The following CDH13 variants were observed in gnomAD, a reference collection of about 807,000 sequenced individuals.
CDH13 encodes cadherin 13.
A neutral mutation model predicts 63.8 loss-of-function variants in CDH13; 24 were observed. The ratio of observed to expected loss-of-function variants is 0.38; its 90% CI spans 0.27 to 0.53. The LOEUF (loss-of-function observed/expected upper bound fraction) is 0.53, where lower values mean the gene tolerates loss of function less well. Among genes scored for constraint, CDH13 ranks in the 20% least tolerant of loss-of-function variants. The probability of loss-of-function intolerance (pLI) is 0.85; values close to 1 mark genes in which losing one functional copy is unlikely to be tolerated. For missense variants in CDH13, 1,049 were observed against 903.1 expected, an observed-to-expected ratio of 1.16 and a Z score of -2.07; for synonymous variants, 503 against 355.3, an observed-to-expected ratio of 1.42 and a Z score of -4.67.
chr16:83,706,002 G>GTT (rs1381105176), intron 10 of CDH13, among the ~76,000 whole-genome samples: 5 of 152,236 alleles, frequency 3.3e-5, no homozygotes, highest in Admixed American at 2.6e-4. Flanking sequence ...AAACAACATC[G>GTT]TTTTCGTGTC....
chr16:83,393,297 G>A (rs145256712), intron 6 of CDH13, among the ~76,000 whole-genome samples: 1 of 152,112 alleles, frequency 6.6e-6, no homozygotes, highest in Non-Finnish European at 1.5e-5. Context: ...TGGGAATATT[G>A]TTCTTGCCTC....
Position 83,047,291 on chromosome 16 carries a change from T to C in CDH13, c.366+15073T>C, listed in dbSNP as rs1465128703. On this transcript the variant is annotated intron_variant, in intron 3 of 13. Transcript: ENST00000567109. This position sits in a 1 kb window ranked among gnomAD's most constrained non-coding sequence, Gnocchi z 4.9. ...AGGCCTCTGCTGTGAATTTAAGTCATCTAATCAAAATGCATTATTTCTGTC... is the reference window on the plus strand; with the variant it reads ...AGGCCTCTGCTGTGAATTTAAGTCACCTAATCAAAATGCATTATTTCTGTC... 1.3e-5 allele frequency among the ~76,000 whole-genome samples: 2 copies of C among 152,198 alleles called. No homozygotes were observed. The highest frequency in any genetic ancestry group is 1.5e-5 in the Non-Finnish European group (1 of 68,038).
chr16:82,634,182 C>G lies in CDH13; in HGVS notation c.45+7045C>G, dbSNP rs574060224. On this transcript the variant is annotated intron_variant, in intron 1 of 13. Transcript: ENST00000567109. ...CCCTGCCACATGCCTGGGCAGGGCC[C>G]GGAAATGAGCTCAGCCTCTGGAGGA... is the stretch of plus-strand genomic sequence containing the variant. Among the ~76,000 whole-genome samples the G allele has an allele frequency of 9.8e-5, 15 of 152,340 alleles. No individual in the cohort carries two copies. The South Asian group carries it at 2.7e-3, about 27-fold the overall frequency.
At position 82,679,085 on chromosome 16, in the gene CDH13, C is replaced by T. The variant is rs58581684; in HGVS notation, c.45+51948C>T. ...CTCAGAAATGTCTGTCTCTAGGACA[C>T]GGTTCCCATTATCCATGGGTCAAAG... On this transcript the variant is annotated intron_variant, in intron 1 of 13. Coordinates refer to ENST00000567109, the MANE Select transcript of CDH13 (RefSeq NM_001257.5). Among the ~76,000 whole-genome samples, 3,300 of 152,316 alleles carry T rather than the reference C, an allele frequency of 0.022. 189 individuals carry two copies. In the East Asian group the frequency reaches 0.22, roughly 10 times the overall value.
At chr16:83,479,355 G>A (rs781524246) in intron 6 of CDH13, among the ~76,000 whole-genome samples, 1 of 152,188 alleles carries the variant, frequency 6.6e-6, no homozygotes, top group African/African-American at 2.4e-5. Context: ...AATTGTGAGA[G>A]TCAATGAAAA....
chr16:83,754,234 T>A (rs1226311757), intron 11 of CDH13, among the ~76,000 whole-genome samples: 1 of 152,106 alleles, frequency 6.6e-6, no homozygotes, highest in African/African-American at 2.4e-5. Flanking sequence ...TTGCCAGATT[T>A]TGAAGGTACA....
intron 7 of CDH13, among the ~76,000 whole-genome samples, chr16:83,495,551 GAA>G (rs746624830): frequency 2.4e-4 from 36 of 152,184 alleles, no homozygotes; most frequent in Non-Finnish European, 4.1e-4. Flanking sequence ...ATGAGAAGGG[GAA>G]AAGGGATTTT....
At position 83,252,107 on chromosome 16, in the gene CDH13, T is replaced by TACACACACACACACACACAC. The variant is rs149781230; in HGVS notation, c.636+34614_636+34633dup. On this transcript the variant is annotated intron_variant, in intron 5 of 13. Transcript: ENST00000567109. ...TATGTATATATGTATATATATATTA[T>TACACACACACACACACACAC]ACACACACACACACACACACACATA... Among the ~76,000 whole-genome samples the TACACACACACACACACACAC allele has an allele frequency of 6.8e-3, 922 of 135,914 alleles. 15 individuals are homozygous for TACACACACACACACACACAC. The highest frequency in any genetic ancestry group is 0.024 in the African/African-American group (866 of 36,544). 89.2% of individuals were successfully genotyped at this position (135,914 alleles called of 152,430 possible). A position where few individuals can be genotyped will look rare whatever the true frequency, so the allele number is the denominator to read the frequency against.
intron 1 of CDH13, among the ~76,000 whole-genome samples, chr16:82,766,023 T>G (rs8044993): frequency 0.011 from 1,745 of 152,242 alleles, 32 homozygotes; most frequent in African/African-American, 0.04. Context: ...CAGCAACTCT[T>G]TATATTCTGG....
chr16:83,235,362 C>T (rs988807638), intron 5 of CDH13, among the ~76,000 whole-genome samples: 1 of 152,096 alleles, frequency 6.6e-6, no homozygotes, highest in Admixed American at 6.6e-5. Flanking sequence ...ATAATAAAAT[C>T]CACCATAGAG....
intron 7 of CDH13, among the ~76,000 whole-genome samples, chr16:83,592,733 C>T (rs971501050): frequency 6.6e-6 from 1 of 152,140 alleles, no homozygotes; most frequent in African/African-American, 2.4e-5. Flanking sequence ...GAAATGAGCG[C>T]TGCCTTCTCC....
intron 2 of CDH13, among the ~76,000 whole-genome samples, chr16:82,974,970 C>T (rs897716433): frequency 2.6e-5 from 4 of 152,188 alleles, no homozygotes; most frequent in African/African-American, 4.8e-5. Context: ...ACTGTAATGG[C>T]GCTGGGTCAG....
intron 5 of CDH13, among the ~76,000 whole-genome samples, chr16:83,251,212 C>G (rs925651331): frequency 3.2e-4 from 49 of 152,102 alleles, no homozygotes; most frequent in Admixed American, 3.2e-3. Flanking sequence ...TATAGGATCT[C>G]TGGGCACTAT....
At chr16:82,909,780 A>T (rs1281530033) in intron 2 of CDH13, among the ~76,000 whole-genome samples, 2 of 152,168 alleles carry the variant, frequency 1.3e-5, no homozygotes, top group Non-Finnish European at 2.9e-5. Context: ...ATCTTATTCA[A>T]GATGAGATCT....
At chr16:82,689,328 T>C (rs1307003646) in intron 1 of CDH13, among the ~76,000 whole-genome samples, 4 of 152,184 alleles carry the variant, frequency 2.6e-5, no homozygotes, top group African/African-American at 9.7e-5. Context: ...ATGTATTCCG[T>C]AGGTAAATTG....
chr16:82,991,970 T>C (rs1379317684), intron 2 of CDH13, among the ~76,000 whole-genome samples: 1 of 152,152 alleles, frequency 6.6e-6, no homozygotes, highest in East Asian at 1.9e-4. Flanking sequence ...GGATCAATCA[T>C]GTCAAAAATT....
chr16:83,456,444 C>T lies in CDH13; in HGVS notation c.782-30033C>T, dbSNP rs75125238. Among the ~76,000 whole-genome samples the T allele has an allele frequency of 5.4e-3, 820 of 152,240 alleles. 6 individuals are homozygous for T. Among genetic ancestry groups the T allele is most frequent in the African/African-American group, 0.019 (769 of 41,566 alleles). The stretch of plus-strand genomic sequence containing the variant: ...GTTACCTGAGGGGTCAGTTGCAGTA[C>T]AACGTGAAAGACGTCATGACAGTAG... On this transcript the variant is annotated intron_variant, in intron 6 of 13. Transcript: ENST00000567109.
chr16:83,600,177 A>G (rs1298326745), intron 7 of CDH13, among the ~76,000 whole-genome samples: 1 of 152,206 alleles, frequency 6.6e-6, no homozygotes, highest in Non-Finnish European at 1.5e-5. Flanking sequence ...ACCTTCGCAG[A>G]CCAGCGCCGG....
intron 2 of CDH13, among the ~76,000 whole-genome samples, chr16:82,983,671 G>C (rs1258896060): frequency 6.6e-6 from 1 of 152,182 alleles, no homozygotes; most frequent in African/African-American, 2.4e-5. Context: ...TAATTGCCTG[G>C]AGATTTGGGA....
Sources: gnomAD v4.1 joint callset for allele counts (sites outside exome capture counted in the v4.1 genomes callset) on GRCh38, gnomAD v4.1.1 for gene constraint, Gnocchi (gnomAD v3.1) non-coding constraint, MANE v1.5 for transcripts, NCBI Gene and HGNC (gene_info 2026-07-23, HGNC 2026-07-21) for gene names.